The following IL17RD variants were observed in gnomAD, a reference collection of about 807,000 sequenced individuals.
The protein encoded by IL17RD is interleukin-17 receptor D.
In IL17RD, 52 loss-of-function variants were observed where a neutral mutation model predicts 80.5. The observed-to-expected ratio is 0.65, with a 90% CI of 0.52 to 0.81. The LOEUF is 0.81. Among genes scored for constraint, IL17RD ranks in the 40% least tolerant of loss-of-function variants. The pLI is 0.00. For synonymous variants in IL17RD, 416 were observed against 391.8 expected, an observed-to-expected ratio of 1.06 and a Z score of -0.73; for missense variants, 1,024 against 955.1, an observed-to-expected ratio of 1.07 and a Z score of -0.95.
At chr3:57,108,564 G>GTAC (rs1185417265) in intron 5 of IL17RD, among the ~76,000 whole-genome samples, 37 of 123,396 alleles carry the variant, frequency 3.0e-4, no homozygotes, top group African/African-American at 1.1e-3. Flanking sequence ...CACCCAGGCT[G>GTAC]GAGTACAGTG....
At chr3:57,107,035 T>C (rs181535677) in intron 5 of IL17RD, among the ~76,000 whole-genome samples, 42 of 152,340 alleles carry the variant, frequency 2.8e-4, no homozygotes, top group African/African-American at 9.1e-4. Context: ...GCAAGTCATC[T>C]AGAGATGATG....
At chr3:57,143,171 A>ATGTCAAAAATT (rs1707862898) in intron 1 of IL17RD, among the ~76,000 whole-genome samples, 1 of 152,228 alleles carries the variant, frequency 6.6e-6, no homozygotes, top group Admixed American at 6.5e-5. Context: ...GGAAAACGGT[A>ATGTCAAAAATT]TGTCAAAAAT....
At chr3:57,141,069 A>G (rs1331571741) in intron 1 of IL17RD, among the ~76,000 whole-genome samples, 1 of 151,750 alleles carries the variant, frequency 6.6e-6, no homozygotes, top group Non-Finnish European at 1.5e-5. Flanking sequence ...CTAATTTTTA[A>G]AAGTTCATTC....
At chr3:57,142,156 G>A (rs868684704) in intron 1 of IL17RD, among the ~76,000 whole-genome samples, 2 of 152,276 alleles carry the variant, frequency 1.3e-5, no homozygotes, top group African/African-American at 2.4e-5. Flanking sequence ...GCAAAGCTTC[G>A]GACTAGCTAA....
intron 1 of IL17RD, among the ~76,000 whole-genome samples, chr3:57,138,840 G>A (rs942770761): frequency 6.6e-6 from 1 of 151,050 alleles, no homozygotes; most frequent in Non-Finnish European, 1.5e-5. Flanking sequence ...TCAGGAGGCT[G>A]AGGCAGGAGA....
chr3:57,114,624 T>C (rs1350419264), intron 3 of IL17RD, 68 bp downstream of exon 3: 4 of 1,464,398 alleles, frequency 2.7e-6, no homozygotes, highest in Non-Finnish European at 2.7e-6. Context: ...GAGACCATCA[T>C]GTGGGACCTT....
intron 1 of IL17RD, among the ~76,000 whole-genome samples, chr3:57,163,688 C>T (rs2060322160): frequency 6.6e-6 from 1 of 151,230 alleles, no homozygotes. Context: ...TTTTTTTAAA[C>T]AATAAAACAA....
At chr3:57,157,668 C>A (rs2060277279) in intron 1 of IL17RD, among the ~76,000 whole-genome samples, 1 of 152,218 alleles carries the variant, frequency 6.6e-6, no homozygotes, top group Non-Finnish European at 1.5e-5. Flanking sequence ...TACATTTGGT[C>A]CATACTGCAC....
intron 1 of IL17RD, among the ~76,000 whole-genome samples, chr3:57,127,354 ATATAAAT>A (rs1559477213): frequency 6.7e-5 from 7 of 104,046 alleles, no homozygotes; most frequent in African/African-American, 3.5e-4. Context: ...ATATAAATAT[ATATAAAT>A]ATAAATATAT....
chr3:57,148,658 C>T (rs1226431394), intron 1 of IL17RD, among the ~76,000 whole-genome samples: 3 of 152,278 alleles, frequency 2.0e-5, no homozygotes, highest in East Asian at 1.9e-4. Context: ...GGTTTAGGAG[C>T]GTCTGAACAC....
chr3:57,148,198 G>A (rs995923506), intron 1 of IL17RD, among the ~76,000 whole-genome samples: 2 of 149,346 alleles, frequency 1.3e-5, no homozygotes, highest in African/African-American at 2.5e-5. Flanking sequence ...GGTGGCGCAC[G>A]CCTGTAATCT....
Position 57,094,141 on chromosome 3 carries a change from C to G in IL17RD, c.*2252G>C, listed in dbSNP as rs1291491729. 6.6e-6 allele frequency: 1 copy of G among 152,180 alleles called. No individual in the cohort carries two copies. The highest frequency in any genetic ancestry group is 1.5e-5 in the Non-Finnish European group (1 of 68,024). 9.4% of individuals were successfully genotyped at this position (152,180 alleles called of 1,614,324 possible). ...ACAATTTCTGAGTCAAAAAATGCAG[C>G]TTTGCTTAAAACAGATGTTTTGCCG... On this transcript the variant is annotated 3_prime_UTR_variant, in exon 13 of 13. Transcript: ENST00000296318.
At chr3:57,102,854 C>T (rs1274756884) in intron 9 of IL17RD, among the ~76,000 whole-genome samples, 1 of 152,194 alleles carries the variant, frequency 6.6e-6, no homozygotes, top group Non-Finnish European at 1.5e-5. Context: ...CCCCTCCCAC[C>T]ACTTTTCTTC....
intron 1 of IL17RD, among the ~76,000 whole-genome samples, chr3:57,144,847 G>A (rs1346989978): frequency 6.6e-6 from 1 of 152,222 alleles, no homozygotes; most frequent in Non-Finnish European, 1.5e-5. Context: ...CAGAGCTGCT[G>A]CACTCTTATC....
At chr3:57,160,166 C>A (rs1050659997) in intron 1 of IL17RD, among the ~76,000 whole-genome samples, 4 of 151,772 alleles carry the variant, frequency 2.6e-5, no homozygotes, top group African/African-American at 9.7e-5. Context: ...AGCGAAACTC[C>A]GTCTCAAAAA....
intron 1 of IL17RD, among the ~76,000 whole-genome samples, chr3:57,157,222 T>C (rs892612920): frequency 1.3e-5 from 2 of 152,056 alleles, no homozygotes; most frequent in African/African-American, 4.8e-5. Context: ...CCTCAGGCAG[T>C]TGAATGTCAA....
chr3:57,133,238 C>G (rs1017404829), intron 1 of IL17RD, among the ~76,000 whole-genome samples: 3 of 152,228 alleles, frequency 2.0e-5, no homozygotes, highest in Admixed American at 1.3e-4. Flanking sequence ...TTTAAAATAG[C>G]AGGCAATCGG....
chr3:57,128,953 C>T (rs1428179233), intron 1 of IL17RD, among the ~76,000 whole-genome samples: 6 of 152,170 alleles, frequency 3.9e-5, no homozygotes, highest in Non-Finnish European at 8.8e-5. Context: ...CTGATAATCA[C>T]AAATAGACAG....
chr3:57,113,657 G>A (rs1170819379), intron 3 of IL17RD, among the ~76,000 whole-genome samples: 1 of 152,132 alleles, frequency 6.6e-6, no homozygotes, highest in Non-Finnish European at 1.5e-5. Flanking sequence ...TCCTGCCTCG[G>A]CCGTCCAAGT....
Sources: gnomAD v4.1 joint callset for allele counts (sites outside exome capture counted in the v4.1 genomes callset) on GRCh38, gnomAD v4.1.1 for gene constraint, MANE v1.5 for transcripts, NCBI Gene and HGNC (gene_info 2026-07-23, HGNC 2026-07-21) for gene names.